SNTG1: variants seen among roughly 807,000 people sequenced by gnomAD.
The protein encoded by SNTG1 is syntrophin gamma 1.
Under a neutral mutation model 74.7 loss-of-function variants are expected in SNTG1, and 39 were observed. The observed-to-expected ratio is 0.52, with a 90% CI of 0.40 to 0.68. The LOEUF is 0.68. Ranked by LOEUF, SNTG1 falls within the 30% of genes least tolerant of loss-of-function variation. The pLI, the probability that SNTG1 is intolerant of heterozygous loss-of-function variation, is 0.00. For missense variants in SNTG1, 685 were observed against 609.5 expected (o/e 1.12, Z -1.30); for synonymous variants, 254 against 217.1 (o/e 1.17, Z -1.49).
intron 2 of SNTG1, among the ~76,000 whole-genome samples, chr8:50,355,540 T>C (rs1414587691): frequency 6.6e-6 from 1 of 152,192 alleles, no homozygotes; most frequent in Non-Finnish European, 1.5e-5. Flanking sequence ...AAGGCGAAAT[T>C]GATGAACCTT....
At chr8:49,925,272 C>T (rs1031253629) in intron 1 of SNTG1, among the ~76,000 whole-genome samples, 4 of 152,192 alleles carry the variant, frequency 2.6e-5, no homozygotes, top group Admixed American at 2.6e-4. Flanking sequence ...AAGAAGGTTG[C>T]AGACATAAAT....
In SNTG1 at chr8:50,787,022, G is replaced by A. The variant is rs114104114; in HGVS notation, c.1396-5649G>A. Among the ~76,000 whole-genome samples, 438 of 151,878 alleles carry A rather than the reference G, an allele frequency of 2.9e-3. 1 individual carries two copies. Among genetic ancestry groups the A allele is most frequent in the African/African-American group, 0.01 (423 of 41,484 alleles). Reference sequence around the variant, plus strand: ...TCAAAATTTAAAGCACTTGTGCTGAGTAATACTATAAAAAAGGTGAAATAC... The same window carrying A: ...TCAAAATTTAAAGCACTTGTGCTGAATAATACTATAAAAAAGGTGAAATAC... On this transcript the variant is annotated intron_variant, in intron 18 of 18. Coordinates refer to ENST00000642720, the MANE Select transcript of SNTG1 (RefSeq NM_018967.5).
rs1432982420 is a variant in SNTG1, at chr8:50,118,588, G to A, written c.-102-53973G>A. Among the ~76,000 whole-genome samples, 2 of 97,208 alleles carry A rather than the reference G, an allele frequency of 2.1e-5. 1 individual carries two copies. The allele number at this position is 97,208 out of a possible 152,430, so 63.8% of individuals were successfully genotyped here. A position where few individuals can be genotyped will look rare whatever the true frequency, so the allele number is the denominator to read the frequency against. ...CGTGGCCAAGCCAATCATGTGAGGA[G>A]TTCACCGAAAGGCTCAGCTCTTCTC... On this transcript the variant is annotated intron_variant, in intron 1 of 18. Transcript: ENST00000642720.
At chr8:50,525,451 C>A (rs754121734) in intron 9 of SNTG1, among the ~76,000 whole-genome samples, 1 of 152,008 alleles carries the variant, frequency 6.6e-6, no homozygotes, top group Admixed American at 6.6e-5. Context: ...AAAATTATTT[C>A]TTTGAATAAG....
At chr8:50,495,093 AATTGTGAAATTTT>A (rs1456573161) in intron 8 of SNTG1, among the ~76,000 whole-genome samples, 2 of 152,080 alleles carry the variant, frequency 1.3e-5, no homozygotes, top group African/African-American at 4.8e-5. Context: ...AAATTTTAGG[AATTGTGAAATTTT>A]AAACTATTCA....
At chr8:50,438,493 A>G (rs1411820669) in intron 4 of SNTG1, 50 bp from the exon 5 acceptor site, 1 of 1,514,402 alleles carries the variant, frequency 6.6e-7, no homozygotes, top group African/African-American at 1.4e-5. Context: ...AATGGTGTGT[A>G]AGTATAGTAT....
chr8:50,732,364 C>T (rs550161133), intron 17 of SNTG1, among the ~76,000 whole-genome samples: 4 of 145,890 alleles, frequency 2.7e-5, no homozygotes, highest in East Asian at 2.0e-4. Context: ...CAGTGAGGTA[C>T]TTTGGCAGAC....
intron 1 of SNTG1, among the ~76,000 whole-genome samples, chr8:50,007,795 A>G (rs1815383357): frequency 6.6e-6 from 1 of 152,116 alleles, no homozygotes; most frequent in Admixed American, 6.5e-5. Flanking sequence ...ATAAAGAACT[A>G]CTTGAGATTG....
At chr8:50,703,882 G>A (rs2095434661) in intron 15 of SNTG1, among the ~76,000 whole-genome samples, 1 of 152,006 alleles carries the variant, frequency 6.6e-6, no homozygotes. Context: ...ATCCTTATGC[G>A]GCACATGACT....
Position 50,241,539 on chromosome 8 carries a change from T to A in SNTG1, c.-28+68904T>A, listed in dbSNP as rs569383462. Among the ~76,000 whole-genome samples, 8 of 152,256 alleles carry A rather than the reference T, an allele frequency of 5.3e-5. 1 individual carries two copies. The highest frequency in any genetic ancestry group is 1.9e-4 in the African/African-American group (8 of 41,550). Reference sequence around the variant, plus strand: ...TAGGGGCTGGAGTAAAGAGCAGTTATTTAGGTGGGTGGTGTCTGATGTCCC... The same window carrying A: ...TAGGGGCTGGAGTAAAGAGCAGTTAATTAGGTGGGTGGTGTCTGATGTCCC... On this transcript the variant is annotated intron_variant, in intron 2 of 18. Coordinates refer to ENST00000642720, the MANE Select transcript of SNTG1 (RefSeq NM_018967.5).
intron 1 of SNTG1, among the ~76,000 whole-genome samples, chr8:50,041,649 G>T (rs1818650605): frequency 1.3e-5 from 2 of 152,064 alleles, no homozygotes; most frequent in Non-Finnish European, 2.9e-5. Context: ...ACAGCTGCAG[G>T]AAATCTGTTA....
intron 1 of SNTG1, among the ~76,000 whole-genome samples, chr8:50,034,368 T>A (rs1052662996): frequency 6.6e-6 from 1 of 152,254 alleles, no homozygotes; most frequent in African/African-American, 2.4e-5. Context: ...TTAACTGGTG[T>A]AGTTAGAAAA....
chr8:50,039,864 A>G (rs1818484872), intron 1 of SNTG1, among the ~76,000 whole-genome samples: 1 of 152,132 alleles, frequency 6.6e-6, no homozygotes, highest in Non-Finnish European at 1.5e-5. Context: ...TGAACTTGCT[A>G]ATGATTGACT....
intron 8 of SNTG1, among the ~76,000 whole-genome samples, chr8:50,465,781 C>A (rs1268722585): frequency 1.3e-5 from 2 of 152,114 alleles, no homozygotes; most frequent in African/African-American, 2.4e-5. Flanking sequence ...CTTGAAAGCT[C>A]TTTTTGTTAC....
intron 4 of SNTG1, among the ~76,000 whole-genome samples, chr8:50,417,070 C>A (rs2093023736): frequency 6.6e-6 from 1 of 152,014 alleles, no homozygotes; most frequent in South Asian, 2.1e-4. Context: ...TGGTTTTAAA[C>A]CCACTGGAAA....
At chr8:50,016,386 T>G (rs902630771) in intron 1 of SNTG1, among the ~76,000 whole-genome samples, 11 of 152,242 alleles carry the variant, frequency 7.2e-5, no homozygotes, top group Admixed American at 7.2e-4. Context: ...CTTTCCAATT[T>G]GCTTCAAATG....
intron 1 of SNTG1, among the ~76,000 whole-genome samples, chr8:49,919,324 T>TG (rs1806323447): frequency 6.6e-6 from 1 of 152,116 alleles, no homozygotes; most frequent in Admixed American, 6.6e-5. Flanking sequence ...GGGGTATTAG[T>TG]TATTGACTAA....
intron 1 of SNTG1, among the ~76,000 whole-genome samples, chr8:50,144,863 T>C (rs1232962424): frequency 6.6e-6 from 1 of 152,122 alleles, no homozygotes; most frequent in Non-Finnish European, 1.5e-5. Flanking sequence ...TTATTCTGGG[T>C]TTGAGACACT....
At chr8:50,158,649 GT>G (rs1215616620) in intron 1 of SNTG1, among the ~76,000 whole-genome samples, 3 of 152,046 alleles carry the variant, frequency 2.0e-5, no homozygotes, top group East Asian at 3.9e-4. Context: ...GGAGTTCATT[GT>G]TTTTTTCTGT....
Sources: allele counts gnomAD v4.1 joint callset (sites outside exome capture counted in the v4.1 genomes callset), GRCh38; gene constraint gnomAD v4.1.1; transcripts MANE v1.5; gene names NCBI Gene and HGNC (gene_info 2026-07-23, HGNC 2026-07-21).